Variants in PAGE2B observed in about 807,000 individuals in gnomAD.
PAGE2B encodes the protein putative G antigen family E member 3.
A neutral mutation model predicts 7.6 loss-of-function variants in PAGE2B; 5 were observed. That is an observed-to-expected ratio of 0.66 (90% CI 0.34 to 1.38). The LOEUF (loss-of-function observed/expected upper bound fraction) is 1.38. Among genes scored for constraint, PAGE2B ranks in the 40% most tolerant of loss-of-function variants. The pLI is 0.04. For missense variants in PAGE2B, 70 were observed against 78.4 expected, an observed-to-expected ratio of 0.89 and a Z score of 0.41; for synonymous variants, 29 against 26.7, an observed-to-expected ratio of 1.09 and a Z score of -0.27.
the PAGE2B span, among the ~76,000 whole-genome samples, chrX:55,049,017 G>C: frequency 8.1e-5 from 9 of 111,316 alleles, no homozygotes; most frequent in Admixed American, 4.8e-4. Flanking sequence ...TAGCATGAAG[G>C]GTTGTTGAAT....
the PAGE2B span, among the ~76,000 whole-genome samples, chrX:55,047,891 A>G: frequency 3.6e-5 from 4 of 111,982 alleles, no homozygotes; most frequent in African/African-American, 1.3e-4. Context: ...GTCCTTGCCC[A>G]ATCCTATGTC....
the PAGE2B span, among the ~76,000 whole-genome samples, chrX:55,037,646 C>G: frequency 1.8e-5 from 2 of 110,613 alleles, no homozygotes; most frequent in African/African-American, 6.6e-5. Context: ...AGACTTGGAA[C>G]CAACCCAAAT....
At chrX:55,052,775 G>A in the PAGE2B span, among the ~76,000 whole-genome samples, 1 of 112,676 alleles carries the variant, frequency 8.9e-6, no homozygotes, top group African/African-American at 3.2e-5. Context: ...GCGATGCCTC[G>A]CCCTGCTTCG....
chrX:55,037,364 A>G, the PAGE2B span, among the ~76,000 whole-genome samples: 1 of 111,634 alleles, frequency 9.0e-6, no homozygotes, highest in Non-Finnish European at 1.9e-5. Flanking sequence ...ACCATCTCAC[A>G]CCAGTTAGAA....
At chrX:55,050,987 C>G in the PAGE2B span, among the ~76,000 whole-genome samples, 1 of 111,475 alleles carries the variant, frequency 9.0e-6, no homozygotes, top group East Asian at 2.8e-4. Context: ...TTCAGGAGCT[C>G]TTGTAGGGCA....
the PAGE2B span, among the ~76,000 whole-genome samples, chrX:55,065,003 G>A: frequency 9.0e-6 from 1 of 110,985 alleles, no homozygotes; most frequent in Non-Finnish European, 1.9e-5. Flanking sequence ...ATGCGCTAAG[G>A]AAAAAAAATG....
At chrX:55,055,008 T>C in the PAGE2B span, 1 of 111,263 alleles carries the variant, frequency 9.0e-6, no homozygotes, top group African/African-American at 3.3e-5. Flanking sequence ...ATAATGTACA[T>C]AAAAACTGGG....
chrX:55,051,357 C>T, the PAGE2B span, among the ~76,000 whole-genome samples: 1 of 111,296 alleles, frequency 9.0e-6, no homozygotes, highest in African/African-American at 3.3e-5. Context: ...TGTTGGCCTG[C>T]CTTGCTAGAT....
the PAGE2B span, among the ~76,000 whole-genome samples, chrX:55,044,109 A>G: frequency 9.1e-6 from 1 of 110,235 alleles, no homozygotes; most frequent in Non-Finnish European, 1.9e-5. Context: ...TTAAAGAACT[A>G]AAAGTAGATC....
upstream of PAGE2B, among the ~76,000 whole-genome samples, chrX:55,071,314 G>A (rs1022634634): frequency 5.4e-5 from 6 of 110,928 alleles, no homozygotes; most frequent in Admixed American, 9.6e-5. Flanking sequence ...ATGAGGCTTC[G>A]TTTGGCTGGG....
chrX:55,066,236 G>A, the PAGE2B span, among the ~76,000 whole-genome samples: 5 of 111,619 alleles, frequency 4.5e-5, no homozygotes, highest in East Asian at 5.7e-4. Context: ...GATTACAGGC[G>A]TGTGCCATCA....
chrX:55,073,631 G>T (rs1489465509), upstream of PAGE2B, among the ~76,000 whole-genome samples: 1 of 111,911 alleles, frequency 8.9e-6, no homozygotes, highest in Non-Finnish European at 1.9e-5. Flanking sequence ...GGTCAGTTTG[G>T]CCATTTTGAA....
chrX:55,070,244 C>A (rs1165880321), upstream of PAGE2B, among the ~76,000 whole-genome samples: 1 of 111,768 alleles, frequency 8.9e-6, no homozygotes, highest in Non-Finnish European at 1.9e-5. Context: ...TGTCTCTGTT[C>A]TCATTGGTTT....
the PAGE2B span, among the ~76,000 whole-genome samples, chrX:55,046,286 A>G: frequency 7.3e-5 from 8 of 110,050 alleles, no homozygotes; most frequent in African/African-American, 2.6e-4. Context: ...GCTAAATTTT[A>G]TATTTTTAGT....
chrX:55,046,503 A>G, the PAGE2B span, among the ~76,000 whole-genome samples: 1 of 111,974 alleles, frequency 8.9e-6, no homozygotes, highest in Non-Finnish European at 1.9e-5. Context: ...TATGGATTAT[A>G]TAAGGGAAAA....
the PAGE2B span, among the ~76,000 whole-genome samples, chrX:55,029,949 C>T: frequency 3.5e-5 from 3 of 84,536 alleles, no homozygotes; most frequent in East Asian, 1.5e-3. Flanking sequence ...ATTCCTTGTC[C>T]CCCACCCCCC....
chrX:55,035,813 G>A, the PAGE2B span, among the ~76,000 whole-genome samples: 2 of 112,129 alleles, frequency 1.8e-5, no homozygotes, highest in African/African-American at 6.5e-5. Context: ...TCTGTTTAAA[G>A]TAGTTTTTTC....
chrX:55,059,079 C>T, the PAGE2B span, among the ~76,000 whole-genome samples: 1 of 111,326 alleles, frequency 9.0e-6, no homozygotes, highest in South Asian at 3.7e-4. Context: ...GGGACATTAG[C>T]ATGGTATATT....
the PAGE2B span, among the ~76,000 whole-genome samples, chrX:55,066,293 G>C: frequency 8.9e-6 from 1 of 111,819 alleles, no homozygotes; most frequent in Non-Finnish European, 1.9e-5. Flanking sequence ...GTTCCACCTT[G>C]TTGGTCAGGC....
Sources: gnomAD v4.1 joint callset for allele counts (sites outside exome capture counted in the v4.1 genomes callset) on GRCh38, gnomAD v4.1.1 for gene constraint, MANE v1.5 for transcripts, NCBI Gene and HGNC (gene_info 2026-07-23, HGNC 2026-07-21) for gene names.